The following PLCB4 variants were observed in gnomAD, a reference collection of about 807,000 sequenced individuals.
PLCB4 encodes 1-phosphatidylinositol 4,5-bisphosphate phosphodiesterase beta-4.
Under a neutral mutation model 178.8 loss-of-function variants are expected in PLCB4, and 77 were observed. The ratio of observed to expected loss-of-function variants is 0.43; its 90% CI spans 0.36 to 0.52. The LOEUF (loss-of-function observed/expected upper bound fraction) is 0.52, where lower values mean the gene tolerates loss of function less well. Ranked by LOEUF, PLCB4 falls within the 20% of genes least tolerant of loss-of-function variation. The pLI, the probability that PLCB4 is intolerant of heterozygous loss-of-function variation, is 0.00. For synonymous variants in PLCB4, 496 were observed against 490.8 expected, an observed-to-expected ratio of 1.01 and a Z score of -0.14; for missense variants, 1,024 against 1,453.4, an observed-to-expected ratio of 0.70 and a Z score of 4.80.
intron 2 of PLCB4, among the ~76,000 whole-genome samples, chr20:9,138,300 A>G (rs2092423635): frequency 6.6e-6 from 1 of 152,122 alleles, no homozygotes; most frequent in Non-Finnish European, 1.5e-5. Context: ...ATGCATCATC[A>G]CTTAAAATAA....
chr20:9,165,646 A>G (rs1028849044), intron 2 of PLCB4, among the ~76,000 whole-genome samples: 1 of 152,208 alleles, frequency 6.6e-6, no homozygotes, highest in African/African-American at 2.4e-5. Flanking sequence ...GCAGAATAGA[A>G]TTCTACTTAC....
intron 2 of PLCB4, among the ~76,000 whole-genome samples, chr20:9,153,546 T>C (rs529001217): frequency 2.3e-3 from 354 of 152,304 alleles, no homozygotes; most frequent in African/African-American, 7.4e-3. Flanking sequence ...GAGGCCTCCC[T>C]AACCATGTGG....
At chr20:9,395,788 A>G (rs1432748326) in intron 19 of PLCB4, among the ~76,000 whole-genome samples, 170 bp downstream of exon 19, 2 of 152,154 alleles carry the variant, frequency 1.3e-5, no homozygotes, top group Non-Finnish European at 2.9e-5. Context: ...ACATTTTCGT[A>G]GAGATGAGAC....
At position 9,437,070 on chromosome 20, in the gene PLCB4, A is replaced by G; in HGVS notation, c.2682A>G (p.Lys894=). The stretch of plus-strand genomic sequence containing the variant: ...AGAAAGGAAAGGCCAACACCGCCAA[A>G]GCAAATGTGACCCCTCAGAGTAGCT... ...NDKKGKANTA[K]ANVTPQSSSE... The change falls in exon 30 of 40, where the codon AAA becomes AAG. Residue 894 remains lysine, a synonymous_variant. Coordinates refer to ENST00000378473, the MANE Select transcript of PLCB4 (RefSeq NM_001377142.1). The G allele has an allele frequency of 6.2e-7, 1 of 1,614,132 alleles. No homozygotes were observed.
At chr20:9,443,502 C>G (rs919133916) in intron 30 of PLCB4, among the ~76,000 whole-genome samples, 9 of 152,168 alleles carry the variant, frequency 5.9e-5, no homozygotes, top group Non-Finnish European at 1.3e-4. Context: ...GTTCCCTTGC[C>G]TGAAAGGTTT....
At chr20:9,262,320 T>C (rs1040910165) in intron 3 of PLCB4, among the ~76,000 whole-genome samples, 2 of 141,486 alleles carry the variant, frequency 1.4e-5, no homozygotes, top group Admixed American at 7.0e-5. Flanking sequence ...AGTGAGCGAG[T>C]GAGTGAGTGA....
At chr20:9,116,589 C>T (rs939285217) in intron 2 of PLCB4, among the ~76,000 whole-genome samples, 13 of 152,138 alleles carry the variant, frequency 8.5e-5, no homozygotes, top group Non-Finnish European at 1.8e-4. Flanking sequence ...GTAGGAGCCT[C>T]GGTTGCCTTC....
chr20:9,349,434 A>T (rs1482237528), intron 7 of PLCB4, among the ~76,000 whole-genome samples: 1 of 152,152 alleles, frequency 6.6e-6, no homozygotes, highest in Non-Finnish European at 1.5e-5. Flanking sequence ...TTAAATTAAA[A>T]CTTTTTCTTA....
intron 15 of PLCB4, 87 bp downstream of exon 15, chr20:9,387,643 C>T (rs2037788514): frequency 1.6e-6 from 1 of 625,998 alleles, no homozygotes; most frequent in Non-Finnish European, 2.8e-6. Context: ...ACAAATGATT[C>T]ATTTTCTCAA....
intron 2 of PLCB4, among the ~76,000 whole-genome samples, chr20:9,144,794 GAGA>G (rs1174980723): frequency 2.0e-5 from 3 of 149,366 alleles, no homozygotes; most frequent in African/African-American, 7.4e-5. Context: ...GGGGTAGGAG[GAGA>G]AGGAGAAGGA....
intron 2 of PLCB4, among the ~76,000 whole-genome samples, chr20:9,168,772 G>A (rs539287803): frequency 3.3e-5 from 5 of 152,308 alleles, no homozygotes; most frequent in Non-Finnish European, 7.4e-5. Context: ...ACTAGCTGGT[G>A]ACACTGGCCG....
At chr20:9,105,578 G>A (rs1032555446) in intron 2 of PLCB4, among the ~76,000 whole-genome samples, 1 of 152,026 alleles carries the variant, frequency 6.6e-6, no homozygotes, top group Non-Finnish European at 1.5e-5. Context: ...AATATTTTAA[G>A]TCAATGATGA....
chr20:9,340,363 T>C (rs1475245083), intron 7 of PLCB4, among the ~76,000 whole-genome samples: 1 of 152,088 alleles, frequency 6.6e-6, no homozygotes, highest in African/African-American at 2.4e-5. Flanking sequence ...CACATTTGAG[T>C]CTCAGGCCCA....
chr20:9,173,168 A>G (rs1365104952), intron 2 of PLCB4, among the ~76,000 whole-genome samples: 2 of 152,216 alleles, frequency 1.3e-5, no homozygotes, highest in African/African-American at 4.8e-5. Context: ...GCGTTGAGCC[A>G]GTAAAAGGCA....
intron 1 of PLCB4, among the ~76,000 whole-genome samples, chr20:9,095,907 A>G (rs1222107484): frequency 6.2e-5 from 9 of 145,658 alleles, no homozygotes; most frequent in Admixed American, 6.0e-4. Context: ...CAGAAACAAG[A>G]GTGGAGTTTT....
chr20:9,095,415 A>T (rs536065063), intron 1 of PLCB4, among the ~76,000 whole-genome samples: 1 of 152,304 alleles, frequency 6.6e-6, no homozygotes, highest in African/African-American at 2.4e-5. Context: ...TTACAGACGG[A>T]ACCAAACATA....
chr20:9,204,009 T>G (rs1332723531), intron 2 of PLCB4, among the ~76,000 whole-genome samples: 1 of 152,004 alleles, frequency 6.6e-6, no homozygotes, highest in African/African-American at 2.4e-5. Flanking sequence ...TTCTCCCCCA[T>G]GACTGCCTTT....
intron 7 of PLCB4, among the ~76,000 whole-genome samples, chr20:9,342,493 G>C (rs1449972210): frequency 6.6e-6 from 1 of 152,138 alleles, no homozygotes; most frequent in Non-Finnish European, 1.5e-5. Context: ...TATCACAAAA[G>C]TCAATTCGAG....
intron 34 of PLCB4, among the ~76,000 whole-genome samples, chr20:9,458,473 T>C (rs562021684): frequency 1.1e-4 from 17 of 152,234 alleles, no homozygotes; most frequent in Non-Finnish European, 1.6e-4. Flanking sequence ...GAAGAGCACA[T>C]TGAAACAACT....
Sources: gnomAD v4.1 joint callset for allele counts (sites outside exome capture counted in the v4.1 genomes callset) on GRCh38, gnomAD v4.1.1 for gene constraint, MANE v1.5 for transcripts, NCBI Gene and HGNC (gene_info 2026-07-23, HGNC 2026-07-21) for gene names.